The following SSH2 variants were observed in gnomAD, a reference collection of about 807,000 sequenced individuals.
The protein encoded by SSH2 is protein phosphatase Slingshot homolog 2.
SSH2 carries 37 observed loss-of-function variants against 135.2 expected under a neutral mutation model. The observed-to-expected ratio is 0.27, with a 90% CI of 0.21 to 0.36. SSH2 has a LOEUF of 0.36. Among genes scored for constraint, SSH2 ranks in the 10% least tolerant of loss-of-function variants. SSH2 has a pLI of 1.00. For missense variants in SSH2, 1,408 were observed against 1,765.3 expected (o/e 0.80, Z 3.63); for synonymous variants, 628 against 646.2 (o/e 0.97, Z 0.43).
At chr17:29,826,845 C>T (rs1249741764) in intron 2 of SSH2, among the ~76,000 whole-genome samples, 5 of 152,070 alleles carry the variant, frequency 3.3e-5, no homozygotes, top group African/African-American at 1.2e-4. Context: ...ATATGACCAT[C>T]CAGTGGTAGA....
intron 2 of SSH2, among the ~76,000 whole-genome samples, chr17:29,797,365 T>C (rs931455559): frequency 3.9e-5 from 6 of 152,184 alleles, no homozygotes; most frequent in African/African-American, 1.4e-4. Flanking sequence ...AAAAAATTAG[T>C]ACACAGGATA....
chr17:29,915,156 ATT>A (rs1490648338), intron 1 of SSH2, among the ~76,000 whole-genome samples: 1 of 152,182 alleles, frequency 6.6e-6, no homozygotes, highest in African/African-American at 2.4e-5. Context: ...GGTTGTTTCT[ATT>A]TTTTGATAGG....
chr17:29,744,758 A>C (rs2040695507), intron 3 of SSH2, among the ~76,000 whole-genome samples: 1 of 152,118 alleles, frequency 6.6e-6, no homozygotes, highest in South Asian at 2.1e-4. Flanking sequence ...CCTCTGTGTC[A>C]TGGGAATAAC....
chr17:29,761,404 C>T (rs1033756124), intron 3 of SSH2: 15 of 1,060,732 alleles, frequency 1.4e-5, no homozygotes, highest in Middle Eastern at 4.6e-4. Context: ...GCCGCCGAAG[C>T]CCCAGGGCTC....
In SSH2 at chr17:29,672,063, G is replaced by A; in HGVS notation, c.681C>T (p.Ser227=). 6.2e-7 allele frequency: 1 copy of A among 1,614,162 alleles called. No homozygotes were observed. Residue 227 remains serine, a synonymous_variant, in exon 9 of 16, where the codon AGC becomes AGT. Coordinates refer to ENST00000540801, the MANE Select transcript of SSH2 (RefSeq NM_001282129.2). ...VARAHNYYPG[S]LFLTWVSYYE... is the part of the protein sequence containing the mutation. ...AATAACTCACCCAAGTGAGAAATAGGCTGCCTGGGTAGTAGTTATGCGCTC... is the reference window on the plus strand; with the variant it reads ...AATAACTCACCCAAGTGAGAAATAGACTGCCTGGGTAGTAGTTATGCGCTC...
At chr17:29,672,791 C>T (rs2037546541) in intron 8 of SSH2, among the ~76,000 whole-genome samples, 1 of 152,198 alleles carries the variant, frequency 6.6e-6, no homozygotes, top group East Asian at 1.9e-4. Context: ...GCAACCTCCA[C>T]CTCCTGGGTT....
Position 29,928,809 on chromosome 17 carries a change from A to AC in SSH2, c.63+1128_63+1129insG, listed in dbSNP as rs1555545400. 6.6e-3 allele frequency among the ~76,000 whole-genome samples: 997 copies of AC among 151,988 alleles called. 6 individuals are homozygous for AC. The highest frequency in any genetic ancestry group is 0.023 in the African/African-American group (955 of 41,460). ...ACATACAAATATTAAGGGTAACCTG[A>AC]TGATTTTTTTACAGTGGAAAGTGGT... On this transcript the variant is annotated intron_variant, in intron 1 of 15. Transcript: ENST00000540801.
chr17:29,780,576 C>T (rs888431814), intron 3 of SSH2: 9 of 151,766 alleles, frequency 5.9e-5, no homozygotes, highest in Non-Finnish European at 1.2e-4. Flanking sequence ...AAGCGCGCGC[C>T]TCCAGGCCCA....
At chr17:29,922,284 A>G (rs6505145) in intron 1 of SSH2, among the ~76,000 whole-genome samples, 146,775 of 152,268 alleles carry the variant, frequency 0.96, 70,770 homozygotes, top group East Asian at 1. Context: ...CTAGCAATTC[A>G]AATTATAGAC....
chr17:29,844,356 G>C (rs2043094959), intron 2 of SSH2, among the ~76,000 whole-genome samples: 1 of 152,122 alleles, frequency 6.6e-6, no homozygotes, highest in African/African-American at 2.4e-5. Context: ...TGACCACCAG[G>C]CTGGGGAAGA....
Position 29,628,940 on chromosome 17 carries a change from C to T in SSH2, c.*1901G>A, listed in dbSNP as rs1394486691. The T allele has an allele frequency of 2.0e-5, 3 of 152,460 alleles. No homozygotes were observed. The highest frequency in any genetic ancestry group is 4.4e-5 in the Non-Finnish European group (3 of 68,118). The allele number at this position is 152,460 out of a possible 1,614,324, so 9.4% of individuals were successfully genotyped here. ...TCTTTTGGGTCGCCCTGCCATCTGC[C>T]CCCACCAAACTCTGGCCTCTGACAT... On this transcript the variant is annotated 3_prime_UTR_variant, in exon 16 of 16. Coordinates refer to ENST00000540801, the MANE Select transcript of SSH2 (RefSeq NM_001282129.2).
intron 1 of SSH2, among the ~76,000 whole-genome samples, chr17:29,898,906 C>T (rs2066494366): frequency 6.6e-6 from 1 of 152,140 alleles, no homozygotes; most frequent in Non-Finnish European, 1.5e-5. Context: ...CTGAATCCAG[C>T]AGCACATCAA....
Position 29,718,732 on chromosome 17 carries a change from C to CAAAAAAAAAAA in SSH2, c.189-15681_189-15671dup, listed in dbSNP as rs752148237. Among the ~76,000 whole-genome samples the CAAAAAAAAAAA allele has an allele frequency of 2.6e-5, 2 of 77,334 alleles. 1 individual carries two copies. Among genetic ancestry groups the CAAAAAAAAAAA allele is most frequent in the East Asian group, 6.3e-4 (2 of 3,160 alleles). 50.7% of individuals were successfully genotyped at this position (77,334 alleles called of 152,430 possible). ...TGGGCGACAAAGCAAGATTTCACCTCAAAAAAAAAAAAAAAAAAAAAAAAA... is the reference window on the plus strand; with the variant it reads ...TGGGCGACAAAGCAAGATTTCACCTCAAAAAAAAAAAAAAAAAAAAAAAAAAAAAAAAAAAA... On this transcript the variant is annotated intron_variant, in intron 3 of 15. Coordinates refer to ENST00000540801, the MANE Select transcript of SSH2 (RefSeq NM_001282129.2).
rs929624351 is a variant in SSH2, at chr17:29,854,175, A to C, written c.64-5246T>G. Among the ~76,000 whole-genome samples the C allele has an allele frequency of 9.2e-5, 14 of 151,884 alleles. 2 individuals carry two copies. The East Asian group carries it at 1.2e-3, about 13-fold the overall frequency. On this transcript the variant is annotated intron_variant, in intron 1 of 15. Transcript: ENST00000540801. ...AAGTGCTTTTCATTCTTAAAGACAA[A>C]ATCATATTCCCTACATAACCTGGAA...
intron 14 of SSH2, chr17:29,643,336 T>A: frequency 1.1e-6 from 1 of 942,814 alleles, no homozygotes; most frequent in Non-Finnish European, 1.3e-6. Flanking sequence ...GAGGCCTGAT[T>A]TGATTTGGGT....
chr17:29,913,347 A>AAAAAAAAAAAAAAAATTATATATATAT lies in SSH2; in HGVS notation c.63+16590_63+16591insATATATATATAATTTTTTTTTTTTTTT. Among the ~76,000 whole-genome samples the AAAAAAAAAAAAAAAATTATATATATAT allele has an allele frequency of 4.9e-4, 14 of 28,786 alleles. 6 individuals are homozygous for AAAAAAAAAAAAAAAATTATATATATAT. Among genetic ancestry groups the AAAAAAAAAAAAAAAATTATATATATAT allele is most frequent in the Non-Finnish European group, 5.9e-4 (10 of 16,996 alleles). 18.9% of individuals were successfully genotyped at this position (28,786 alleles called of 152,430 possible). On this transcript the variant is annotated intron_variant, in intron 1 of 15. Transcript: ENST00000540801. ...AAAAAAAAAAAAAAAAAAAAAAAAA[A>AAAAAAAAAAAAAAAATTATATATATAT]ATATATATATATATATATATATATA... is the stretch of plus-strand genomic sequence containing the variant.
intron 2 of SSH2, among the ~76,000 whole-genome samples, chr17:29,839,996 T>C (rs1240662022): frequency 6.6e-6 from 1 of 152,192 alleles, no homozygotes. Context: ...TTTAGTACAA[T>C]GGGTGTCACA....
chr17:29,656,293 C>T (rs534559361), intron 11 of SSH2, among the ~76,000 whole-genome samples: 2 of 152,286 alleles, frequency 1.3e-5, no homozygotes, highest in Admixed American at 6.5e-5. Context: ...TCTCCTGCCT[C>T]AGCCTCCTGA....
chr17:29,706,443 G>GC (rs1281499612), intron 3 of SSH2, among the ~76,000 whole-genome samples: 1 of 152,142 alleles, frequency 6.6e-6, no homozygotes, highest in Non-Finnish European at 1.5e-5. Flanking sequence ...TTTAAATAAA[G>GC]CATTACTCTC....
Sources: gnomAD v4.1 joint callset for allele counts (sites outside exome capture counted in the v4.1 genomes callset) on GRCh38, gnomAD v4.1.1 for gene constraint, MANE v1.5 for transcripts, NCBI Gene and HGNC (gene_info 2026-07-23, HGNC 2026-07-21) for gene names.